Variants in PSMD11 observed in about 807,000 individuals in gnomAD.
PSMD11 encodes the protein 26S proteasome non-ATPase regulatory subunit 11.
PSMD11 carries 5 observed loss-of-function variants against 62.3 expected under a neutral mutation model. That is an observed-to-expected ratio of 0.08 (90% CI 0.04 to 0.17). The LOEUF (loss-of-function observed/expected upper bound fraction) is 0.17. PSMD11 is among the 10% of genes least tolerant of loss of function. PSMD11 has a pLI of 1.00. For synonymous variants in PSMD11, 191 were observed against 191.8 expected (o/e 1.00, Z 0.03); for missense variants, 310 against 512.9 (o/e 0.60, Z 3.82).
intron 3 of PSMD11, among the ~76,000 whole-genome samples, chr17:32,459,111 A>AATATATATATATATATATATATAT (rs1907737207): frequency 2.3e-5 from 1 of 43,768 alleles, no homozygotes; most frequent in African/African-American, 6.5e-5. Flanking sequence ...AAAAAAAAAA[A>AATATATATATATATATATATATAT]ATACATATAT....
Position 32,473,914 on chromosome 17 carries a change from T to C in PSMD11, c.757T>C (p.Tyr253His), listed in dbSNP as rs1462594533. 5 of 1,614,232 alleles carry C rather than the reference T, an allele frequency of 3.1e-6. No individual in the cohort carries two copies. Among genetic ancestry groups the C allele is most frequent in the Non-Finnish European group, 4.2e-6 (5 of 1,180,048 alleles). Residue 253 changes from tyrosine (Y) to histidine (H), a missense_variant, in exon 7 of 14, where the codon TAC (tyrosine) becomes CAC (histidine). By Grantham distance (83) the Tyr-to-His change is moderately conservative. Around this residue, in one of 6 missense-constraint regions of PSMD11, gnomAD observed 47 missense variants for 117.7 expected, o/e 0.40. Transcript: ENST00000261712. ...DSPKAITSLK[Y>H]MLLCKIMLNT... ...CCCCAAGGCCATCACATCTCTGAAG[T>C]ACATGTTGCTGTGCAAAATCATGCT...
At chr17:32,454,156 T>C (rs1362999171) in intron 2 of PSMD11, among the ~76,000 whole-genome samples, 1 of 152,222 alleles carries the variant, frequency 6.6e-6, no homozygotes, top group Non-Finnish European at 1.5e-5. Context: ...GGACACAGCA[T>C]ATTTCATGTT....
intron 3 of PSMD11, among the ~76,000 whole-genome samples, chr17:32,460,667 G>C (rs1325495675): frequency 1.3e-5 from 2 of 151,906 alleles, no homozygotes; most frequent in Non-Finnish European, 2.9e-5. Flanking sequence ...CAGCTACTGG[G>C]GAGGCTGAGG....
intron 3 of PSMD11, among the ~76,000 whole-genome samples, chr17:32,463,110 A>G (rs1440305734): frequency 6.6e-6 from 1 of 152,242 alleles, no homozygotes; most frequent in Non-Finnish European, 1.5e-5. Context: ...CAACCTTAAT[A>G]TAAAACTTGC....
intron 11 of PSMD11, 70 bp downstream of exon 11, chr17:32,479,956 T>G: frequency 6.4e-7 from 1 of 1,551,896 alleles, no homozygotes; most frequent in African/African-American, 1.4e-5. Flanking sequence ...CACATGCACC[T>G]GATTGGCCTC....
chr17:32,449,499 A>C (rs1229645613), intron 2 of PSMD11, among the ~76,000 whole-genome samples: 2 of 152,196 alleles, frequency 1.3e-5, no homozygotes, highest in Admixed American at 1.3e-4. Context: ...TCAATACTTA[A>C]GTAATTTTCA....
intron 3 of PSMD11, among the ~76,000 whole-genome samples, chr17:32,458,521 C>A (rs1389497758): frequency 6.6e-6 from 1 of 152,220 alleles, no homozygotes; most frequent in Non-Finnish European, 1.5e-5. Context: ...CAGTGACTCA[C>A]ATTGTATTTT....
chr17:32,450,532 G>T (rs1268834323), intron 2 of PSMD11, among the ~76,000 whole-genome samples: 1 of 151,220 alleles, frequency 6.6e-6, no homozygotes, highest in Non-Finnish European at 1.5e-5. Context: ...CTCCCAAAGT[G>T]CTGGGATTCC....
chr17:32,464,607 G>A (rs1398172078), intron 5 of PSMD11, 29 bp downstream of exon 5: 2 of 1,554,228 alleles, frequency 1.3e-6, no homozygotes, highest in Non-Finnish European at 1.8e-6. Context: ...AGTCATCTCA[G>A]CTAGCTAAAT....
intron 6 of PSMD11, among the ~76,000 whole-genome samples, chr17:32,469,826 G>C (rs1406134965): frequency 6.6e-6 from 1 of 152,100 alleles, no homozygotes; most frequent in African/African-American, 2.4e-5. Flanking sequence ...TCATCTGTCA[G>C]GGATGTACTG....
chr17:32,478,404 C>G (rs1467822865), intron 9 of PSMD11, among the ~76,000 whole-genome samples: 2 of 152,172 alleles, frequency 1.3e-5, no homozygotes. Flanking sequence ...GCACAGCTGA[C>G]ATGAGGCTGG....
At chr17:32,475,211 G>T (rs1908282136) in intron 8 of PSMD11, among the ~76,000 whole-genome samples, 1 of 152,148 alleles carries the variant, frequency 6.6e-6, no homozygotes, top group Non-Finnish European at 1.5e-5. Context: ...GTGCATATGT[G>T]CTTTAGAGAG....
At chr17:32,474,219 G>T in intron 7 of PSMD11, 1 of 494,616 alleles carries the variant, frequency 2.0e-6, no homozygotes. Context: ...GTCCTCATAG[G>T]TGCAGAGCAC....
At chr17:32,467,204 A>G (rs1328952053) in intron 5 of PSMD11, among the ~76,000 whole-genome samples, 1 of 149,452 alleles carries the variant, frequency 6.7e-6, no homozygotes, top group East Asian at 2.0e-4. Flanking sequence ...TGGCCTCCCA[A>G]AGTTCTAGGA....
chr17:32,481,655 C>G lies in PSMD11; in HGVS notation c.*903C>G, dbSNP rs1044084300. On this transcript the variant is annotated 3_prime_UTR_variant, in exon 14 of 14. Coordinates refer to ENST00000261712, the MANE Select transcript of PSMD11 (RefSeq NM_002815.4). Reference sequence around the variant, plus strand: ...CCAGGAGACCATCATGTCTCTCTGCCTTCCTCCTCTCCCCTCCAGGGGAGT... The same window carrying G: ...CCAGGAGACCATCATGTCTCTCTGCGTTCCTCCTCTCCCCTCCAGGGGAGT... 2 of 152,206 alleles carry G rather than the reference C, an allele frequency of 1.3e-5. No individual in the cohort carries two copies. Among genetic ancestry groups the G allele is most frequent in the Non-Finnish European group, 2.9e-5 (2 of 68,052 alleles). The allele number at this position is 152,206 out of a possible 1,614,324, so 9.4% of individuals were successfully genotyped here. A position where few individuals can be genotyped will look rare whatever the true frequency, so the allele number is the denominator to read the frequency against.
rs1355588548 is a variant in PSMD11 at position 32,446,970 on chromosome 17, T to C, written c.117T>C (p.Asp39=). Residue 39 remains aspartate (D), a synonymous_variant, in exon 2 of 14, where the codon GAT becomes GAC. Coordinates refer to ENST00000261712, the MANE Select transcript of PSMD11 (RefSeq NM_002815.4). ...SIVKRDIQEN[D]EEAVQVKEQS... ...TGAAGCGTGACATTCAGGAAAACGATGAAGAGGCAGTGCAAGTCAAAGAGC... is the reference window on the plus strand; with the variant it reads ...TGAAGCGTGACATTCAGGAAAACGACGAAGAGGCAGTGCAAGTCAAAGAGC... 1.9e-6 allele frequency: 3 copies of C among 1,612,288 alleles called. No individual in the cohort carries two copies. The East Asian group carries it at 6.7e-5, about 36-fold the overall frequency.
At chr17:32,464,484 T>C (rs757062838) in intron 4 of PSMD11, 37 bp from the exon 5 acceptor site, 95 of 1,485,982 alleles carry the variant, frequency 6.4e-5, no homozygotes, top group East Asian at 3.4e-4. Context: ...TGTGGCTTTT[T>C]CCCCCCCCTT....
intron 3 of PSMD11, among the ~76,000 whole-genome samples, chr17:32,458,305 ACAACCTACTG>A (rs1907709918): frequency 6.6e-6 from 1 of 152,168 alleles, no homozygotes; most frequent in South Asian, 2.1e-4. Context: ...TTTCTATAAT[ACAACCTACTG>A]CAACCTACTG....
rs554671161 is a variant in PSMD11 at position 32,459,677 on chromosome 17, T to C, written c.319-4372T>C. ...ATAATTTTTATTCTTAGTTCTTTTT[T>C]CTTTTTGAGATGGAGTCTTACTCTG... On this transcript the variant is annotated intron_variant, in intron 3 of 13. Coordinates refer to ENST00000261712, the MANE Select transcript of PSMD11 (RefSeq NM_002815.4). Among the ~76,000 whole-genome samples, 4 of 152,328 alleles carry C rather than the reference T, an allele frequency of 2.6e-5. No individual in the cohort carries two copies. In the East Asian group the frequency reaches 7.7e-4, roughly 29 times the overall value.
Sources: gnomAD v4.1 joint callset for allele counts (sites outside exome capture counted in the v4.1 genomes callset) on GRCh38, gnomAD v4.1.1 for gene constraint, gnomAD v4.1.1 regional missense constraint, MANE v1.5 for transcripts, NCBI Gene and HGNC (gene_info 2026-07-23, HGNC 2026-07-21) for gene names.